RIN2: variants seen among roughly 807,000 people sequenced by gnomAD.
RIN2 encodes RAB5 interacting protein 2.
RIN2 carries 36 observed loss-of-function variants against 78.0 expected under a neutral mutation model. That is an observed-to-expected ratio of 0.46 (90% CI 0.35 to 0.61). RIN2 has a LOEUF of 0.61. Among genes scored for constraint, RIN2 ranks in the 20% least tolerant of loss-of-function variants. The pLI is 0.00. For synonymous variants in RIN2, 466 were observed against 466.8 expected, an observed-to-expected ratio of 1.00 and a Z score of 0.02; for missense variants, 1,087 against 1,159.7, an observed-to-expected ratio of 0.94 and a Z score of 0.91.
At chr20:19,810,533 C>T (rs1266803295) in intron 2 of RIN2, among the ~76,000 whole-genome samples, 1 of 152,130 alleles carries the variant, frequency 6.6e-6, no homozygotes, top group African/African-American at 2.4e-5. Context: ...TCCCTTTAGC[C>T]AAGTTCTGAA....
intron 3 of RIN2, among the ~76,000 whole-genome samples, chr20:19,934,096 C>T (rs890987944): frequency 2.0e-5 from 3 of 152,104 alleles, no homozygotes; most frequent in Admixed American, 6.5e-5. Context: ...AGGCAAGAGC[C>T]GCTATGCCTG....
In RIN2 at chr20:19,975,493, C is replaced by T. The variant is rs1223485646; in HGVS notation, c.1468C>T (p.Pro490Ser). The T allele has an allele frequency of 6.2e-7, 1 of 1,614,054 alleles. No individual in the cohort carries two copies. The highest frequency in any genetic ancestry group is 1.7e-5 in the Admixed American group (1 of 60,036). ...GAAAAGGAGCAGCTCCTTCGTGCTGCCCAAGCTCGTCAAGTCCCAGCTGCA... is the reference window on the plus strand; with the variant it reads ...GAAAAGGAGCAGCTCCTTCGTGCTGTCCAAGCTCGTCAAGTCCCAGCTGCA... ...KKKRSSSFVL[P>S]KLVKSQLQKV... The change falls in exon 9 of 13, where the codon CCC (proline) becomes TCC (serine). Residue 490 changes from proline (P) to serine (S), a missense_variant. By Grantham distance (74) the Pro-to-Ser change is moderately conservative (BLOSUM62 -1). This residue lies in a region of RIN2 where 706 missense variants were observed against 667.5 expected (regional missense o/e 1.06). Coordinates refer to ENST00000255006, the MANE Select transcript of RIN2 (RefSeq NM_018993.4). This position sits in a 1 kb window ranked among gnomAD's most constrained non-coding sequence, Gnocchi z 4.9.
At chr20:19,901,736 G>GT (rs1302809744) in intron 3 of RIN2, among the ~76,000 whole-genome samples, 1 of 152,088 alleles carries the variant, frequency 6.6e-6, no homozygotes, top group Non-Finnish European at 1.5e-5. Context: ...TAATAAACAG[G>GT]TCGAGTGCGG....
At chr20:19,848,580 C>G (rs1000283525) in intron 2 of RIN2, among the ~76,000 whole-genome samples, 2 of 146,798 alleles carry the variant, frequency 1.4e-5, no homozygotes, top group Non-Finnish European at 3.0e-5. Flanking sequence ...TCTGGAAGAT[C>G]TGACTAAAAG....
At chr20:19,789,237 T>G (rs1223615010) in intron 1 of RIN2, among the ~76,000 whole-genome samples, 3 of 152,190 alleles carry the variant, frequency 2.0e-5, no homozygotes, top group Non-Finnish European at 4.4e-5. Context: ...AAATAAAACT[T>G]GATTCCTATG....
intron 2 of RIN2, among the ~76,000 whole-genome samples, chr20:19,888,737 C>T (rs967040032): frequency 6.6e-6 from 1 of 152,230 alleles, no homozygotes. Flanking sequence ...GGTTGCTCCC[C>T]CAGGCCCCCC....
intron 9 of RIN2, among the ~76,000 whole-genome samples, chr20:19,980,037 T>TC (rs2042395197): frequency 2.7e-5 from 2 of 74,292 alleles, no homozygotes; most frequent in Admixed American, 4.0e-4. Flanking sequence ...AGAGTGAAAC[T>TC]CCATCTCAAA....
intron 1 of RIN2, among the ~76,000 whole-genome samples, chr20:19,789,143 C>T (rs149446032): frequency 2.0e-3 from 301 of 152,262 alleles, no homozygotes; most frequent in African/African-American, 6.9e-3. Flanking sequence ...ACAACAAAGG[C>T]TACACTGCAA....
intron 1 of RIN2, among the ~76,000 whole-genome samples, chr20:19,764,167 A>T (rs935185792): frequency 2.6e-5 from 4 of 152,208 alleles, no homozygotes; most frequent in African/African-American, 7.2e-5. Context: ...TTCAAAATTT[A>T]AAAAAAGCTA....
chr20:19,827,460 A>AG, intron 2 of RIN2, among the ~76,000 whole-genome samples: 1 of 152,226 alleles, frequency 6.6e-6, no homozygotes, highest in Non-Finnish European at 1.5e-5. Flanking sequence ...CCACAGCTTC[A>AG]TAGCTGGAGA....
intron 3 of RIN2, among the ~76,000 whole-genome samples, chr20:19,890,565 T>G (rs1213459783): frequency 6.6e-6 from 1 of 151,570 alleles, no homozygotes; most frequent in East Asian, 1.9e-4. Context: ...GACAAGTGAC[T>G]ATGTTTAACA....
intron 9 of RIN2, among the ~76,000 whole-genome samples, chr20:19,981,943 G>T (rs2146348738): frequency 6.6e-6 from 1 of 152,286 alleles, no homozygotes; most frequent in African/African-American, 2.4e-5. Context: ...CCTGTATTCT[G>T]CAGGGTAAAG....
intron 1 of RIN2, among the ~76,000 whole-genome samples, chr20:19,762,512 C>G (rs1191016199): frequency 6.6e-6 from 1 of 152,102 alleles, no homozygotes; most frequent in Admixed American, 6.5e-5. Context: ...AGTAACAATT[C>G]TCATTTAGAG....
chr20:19,992,992 G>A (rs984193707), intron 11 of RIN2, among the ~76,000 whole-genome samples: 10 of 151,928 alleles, frequency 6.6e-5, no homozygotes, highest in East Asian at 5.8e-4. Flanking sequence ...CTCAATTTAC[G>A]TTGGCATTCG....
chr20:19,853,181 C>T (rs2037048166), intron 2 of RIN2, among the ~76,000 whole-genome samples: 1 of 151,880 alleles, frequency 6.6e-6, no homozygotes, highest in African/African-American at 2.4e-5. Flanking sequence ...CGGTTTCCAG[C>T]TTCATCCATG....
chr20:19,970,842 G>A lies in RIN2; in HGVS notation c.541G>A (p.Val181Ile), dbSNP rs1259015876. 6.2e-7 allele frequency: 1 copy of A among 1,611,198 alleles called. No individual in the cohort carries two copies. The highest frequency in any genetic ancestry group is 1.3e-5 in the African/African-American group (1 of 74,874). Residue 181 changes from valine (V) to isoleucine (I), a missense_variant, in exon 8 of 13, where the codon GTT becomes ATT. Physicochemically the swap from Val to Ile is conservative, Grantham distance 29 (BLOSUM62 3). Around this residue, in one of 8 missense-constraint regions of RIN2, gnomAD observed 706 missense variants for 667.5 expected, o/e 1.06. Transcript: ENST00000255006. ...TCTCTTTTTCTGAACAATCAGGGATGTTCTACCATTTACCTTGAAGTTGCC... is the reference window on the plus strand; with the variant it reads ...TCTCTTTTTCTGAACAATCAGGGATATTCTACCATTTACCTTGAAGTTGCC... ...LIAFYCISRDVLPFTLKLPYA... is the reference protein window; with the variant it reads ...LIAFYCISRDILPFTLKLPYA...
chr20:19,916,007 C>T (rs2039669371), intron 3 of RIN2, among the ~76,000 whole-genome samples: 3 of 152,096 alleles, frequency 2.0e-5, no homozygotes, highest in African/African-American at 7.2e-5. Flanking sequence ...TTTGGGAGGC[C>T]GAGGCGAGTG....
chr20:19,836,178 G>A (rs889270365), intron 2 of RIN2, among the ~76,000 whole-genome samples: 1 of 152,188 alleles, frequency 6.6e-6, no homozygotes. Flanking sequence ...CACAATCCAT[G>A]TCGACTGCAG....
At chr20:19,850,274 C>G (rs188358313) in intron 2 of RIN2, among the ~76,000 whole-genome samples, 38 of 152,310 alleles carry the variant, frequency 2.5e-4, no homozygotes, top group Admixed American at 1.8e-3. Context: ...CACAGAATCA[C>G]ATGAGAGCCC....
Sources: allele counts gnomAD v4.1 joint callset (sites outside exome capture counted in the v4.1 genomes callset), GRCh38; gene constraint gnomAD v4.1.1; regional missense constraint gnomAD v4.1.1; non-coding constraint Gnocchi (gnomAD v3.1); transcripts MANE v1.5; gene names NCBI Gene and HGNC (gene_info 2026-07-23, HGNC 2026-07-21).